The following ASTN2 variants were observed in gnomAD, a reference collection of about 807,000 sequenced individuals.
ASTN2 encodes astrotactin-2.
ASTN2 carries 54 observed loss-of-function variants against 139.8 expected under a neutral mutation model. The ratio of observed to expected loss-of-function variants is 0.39; its 90% CI spans 0.31 to 0.48. The LOEUF is 0.48. ASTN2 is among the 20% of genes least tolerant of loss of function. The pLI is 0.95. For missense variants in ASTN2, 1,565 were observed against 1,725.1 expected (o/e 0.91, Z 1.64); for synonymous variants, 756 against 719.5 (o/e 1.05, Z -0.81).
intron 17 of ASTN2, among the ~76,000 whole-genome samples, chr9:116,639,617 A>C (rs1164121426): frequency 6.6e-6 from 1 of 152,190 alleles, no homozygotes; most frequent in Non-Finnish European, 1.5e-5. Context: ...TCTTCCTGGA[A>C]GCCCAGCATT....
intron 5 of ASTN2, among the ~76,000 whole-genome samples, chr9:117,089,108 T>C (rs761895471): frequency 2.0e-5 from 3 of 152,188 alleles, no homozygotes; most frequent in Non-Finnish European, 4.4e-5. Context: ...CCCAGCAGCA[T>C]GGTTATTAGG....
chr9:117,003,168 G>C (rs1408050605), intron 7 of ASTN2, among the ~76,000 whole-genome samples: 1 of 152,176 alleles, frequency 6.6e-6, no homozygotes, highest in African/African-American at 2.4e-5. Flanking sequence ...ACACAGTTTT[G>C]TCAAGATAAT....
At chr9:116,993,876 A>ATATATATATATATATATTTTTT (rs1030120382) in intron 7 of ASTN2, among the ~76,000 whole-genome samples, 1 of 142,058 alleles carries the variant, frequency 7.0e-6, no homozygotes, top group Non-Finnish European at 1.5e-5. Context: ...ATATATATAT[A>ATATATATATATATATATTTTTT]TTTTAACTAT....
intron 10 of ASTN2, among the ~76,000 whole-genome samples, chr9:116,960,158 A>T (rs1835835639): frequency 6.6e-6 from 1 of 152,132 alleles, no homozygotes. Flanking sequence ...ACTCTCTGCC[A>T]GTGATGCTCC....
intron 2 of ASTN2, among the ~76,000 whole-genome samples, chr9:117,268,657 CAGA>C (rs1387836355): frequency 6.6e-6 from 1 of 152,116 alleles, no homozygotes; most frequent in East Asian, 1.9e-4. Flanking sequence ...TAAGATGTTC[CAGA>C]AGGTTGAAGA....
intron 7 of ASTN2, among the ~76,000 whole-genome samples, chr9:116,991,917 T>A (rs1364191418): frequency 6.6e-6 from 1 of 152,206 alleles, no homozygotes; most frequent in Non-Finnish European, 1.5e-5. Context: ...TCAATGTCTA[T>A]GAAACAAAGA....
At chr9:117,059,341 T>C (rs571703293) in intron 5 of ASTN2, among the ~76,000 whole-genome samples, 160 of 152,168 alleles carry the variant, frequency 1.1e-3, no homozygotes, top group African/African-American at 3.7e-3. Context: ...AGGCCAGGCG[T>C]GGTGGCTCAT....
At chr9:116,768,255 C>A (rs556555092) in intron 13 of ASTN2, among the ~76,000 whole-genome samples, 2 of 152,074 alleles carry the variant, frequency 1.3e-5, no homozygotes, top group African/African-American at 4.8e-5. Context: ...CATATTTATT[C>A]CACATATCCC....
chr9:117,059,969 A>C (rs1839191506), intron 5 of ASTN2, among the ~76,000 whole-genome samples: 2 of 152,076 alleles, frequency 1.3e-5, no homozygotes, highest in African/African-American at 4.8e-5. Flanking sequence ...CCAATTGTTA[A>C]ATATTTAGGG....
intron 19 of ASTN2, among the ~76,000 whole-genome samples, chr9:116,536,949 C>G (rs931988348): frequency 2.0e-5 from 3 of 152,224 alleles, no homozygotes; most frequent in African/African-American, 4.8e-5. Context: ...GCCCTGCCCC[C>G]AGAGGTGGAG....
At chr9:117,217,008 G>C (rs1832343822) in intron 2 of ASTN2, among the ~76,000 whole-genome samples, 1 of 152,174 alleles carries the variant, frequency 6.6e-6, no homozygotes, top group Non-Finnish European at 1.5e-5. Context: ...TTTAATTCCA[G>C]GTCCAGCTGG....
chr9:117,137,289 C>A (rs1198286641), intron 4 of ASTN2, among the ~76,000 whole-genome samples: 1 of 152,210 alleles, frequency 6.6e-6, no homozygotes, highest in Non-Finnish European at 1.5e-5. Flanking sequence ...TTCCATGGCA[C>A]TGGTTCTCGG....
At chr9:116,999,958 C>A (rs917387841) in intron 7 of ASTN2, among the ~76,000 whole-genome samples, 1 of 152,172 alleles carries the variant, frequency 6.6e-6, no homozygotes, top group South Asian at 2.1e-4. Flanking sequence ...CCTCCTTCAG[C>A]TGGTTAGCTA....
At chr9:116,887,566 A>G (rs1833646274) in intron 10 of ASTN2, among the ~76,000 whole-genome samples, 1 of 152,174 alleles carries the variant, frequency 6.6e-6, no homozygotes, top group African/African-American at 2.4e-5. Context: ...CAGAGGTGAC[A>G]GTAAGAATTT....
At chr9:116,720,792 G>C (rs939847027) in intron 16 of ASTN2, among the ~76,000 whole-genome samples, 4 of 152,054 alleles carry the variant, frequency 2.6e-5, no homozygotes, top group African/African-American at 9.7e-5. Flanking sequence ...GAATGACAGG[G>C]GATGATAAAA....
intron 16 of ASTN2, chr9:116,687,374 G>A: frequency 1.9e-6 from 1 of 530,992 alleles, no homozygotes; most frequent in Non-Finnish European, 2.4e-6. Context: ...GGAGCCGCGG[G>A]CGGTCAGGTA....
At chr9:116,912,845 G>A (rs1182504760) in intron 10 of ASTN2, among the ~76,000 whole-genome samples, 1 of 152,098 alleles carries the variant, frequency 6.6e-6, no homozygotes, top group Admixed American at 6.6e-5. Flanking sequence ...ACTGTATTAG[G>A]TTTGAACTCA....
At chr9:116,934,175 C>T (rs1006586112) in intron 10 of ASTN2, among the ~76,000 whole-genome samples, 2 of 151,872 alleles carry the variant, frequency 1.3e-5, no homozygotes, top group Non-Finnish European at 2.9e-5. Flanking sequence ...TCCATTTCCA[C>T]AAATGAGAAG....
At chr9:116,836,751 G>A (rs529995595) in intron 11 of ASTN2, among the ~76,000 whole-genome samples, 213 of 152,126 alleles carry the variant, frequency 1.4e-3, no homozygotes, top group African/African-American at 5.0e-3. Context: ...GGTCTGCAAT[G>A]CTCCACCTTT....
Sources: gnomAD v4.1 joint callset for allele counts (sites outside exome capture counted in the v4.1 genomes callset) on GRCh38, gnomAD v4.1.1 for gene constraint, MANE v1.5 for transcripts, NCBI Gene and HGNC (gene_info 2026-07-23, HGNC 2026-07-21) for gene names.